GNAQ: variants seen among roughly 807,000 people sequenced by gnomAD.
The protein encoded by GNAQ is G protein subunit alpha q, also known as guanine nucleotide-binding protein G(q) subunit alpha.
GNAQ carries 8 observed loss-of-function variants against 43.9 expected under a neutral mutation model. The ratio of observed to expected loss-of-function variants is 0.18; its 90% CI spans 0.11 to 0.33. The LOEUF is 0.33. GNAQ is among the 10% of genes least tolerant of loss of function. GNAQ has a pLI of 1.00. For missense variants in GNAQ, 158 were observed against 450.8 expected, an observed-to-expected ratio of 0.35 and a Z score of 5.88; for synonymous variants, 155 against 170.7, an observed-to-expected ratio of 0.91 and a Z score of 0.71.
intron 1 of GNAQ, among the ~76,000 whole-genome samples, chr9:77,964,959 T>C (rs1823148371): frequency 6.6e-6 from 1 of 152,130 alleles, no homozygotes; most frequent in African/African-American, 2.4e-5. Context: ...CACTCAAGCC[T>C]ATCCACAAGC....
chr9:77,743,667 CTGA>C (rs1825689116), intron 5 of GNAQ, among the ~76,000 whole-genome samples: 3 of 37,892 alleles, frequency 7.9e-5, no homozygotes, highest in Admixed American at 8.1e-4. Context: ...TTTTTTTAAA[CTGA>C]CTGATAGCTA....
chr9:78,015,176 ATACT>A (rs1272731029), intron 1 of GNAQ, among the ~76,000 whole-genome samples: 1 of 152,238 alleles, frequency 6.6e-6, no homozygotes, highest in Non-Finnish European at 1.5e-5. Context: ...GGATACACAA[ATACT>A]TACCACTGTG....
At chr9:77,845,989 G>A (rs982461134) in intron 2 of GNAQ, among the ~76,000 whole-genome samples, 6 of 152,338 alleles carry the variant, frequency 3.9e-5, no homozygotes, top group South Asian at 2.1e-4. Flanking sequence ...GCCAGGAGGC[G>A]ATGCTCTAGC....
At chr9:78,020,138 C>A (rs181414574) in intron 1 of GNAQ, among the ~76,000 whole-genome samples, 61 of 152,232 alleles carry the variant, frequency 4.0e-4, no homozygotes, top group Admixed American at 8.5e-4. Flanking sequence ...AAGAATATCT[C>A]ATGCTATTGC....
Position 77,922,210 on chromosome 9 carries a change from A to G in GNAQ, c.272T>C (p.Ile91Thr). ...GATCTTGAGTGTGTCCATGGCTCTG[A>G]TCATGGCCTGCATGGCCGTGAAGAT... ...QNIFTAMQAM[I>T]RAMDTLKIPY... The change falls in exon 2 of 7, where the codon ATC (isoleucine) becomes ACC (threonine). Residue 91 changes from isoleucine to threonine, a missense_variant. Physicochemically the swap from Ile to Thr is moderately conservative, Grantham distance 89. Around this residue, in one of 9 missense-constraint regions of GNAQ, gnomAD observed 57 missense variants for 78.2 expected, o/e 0.73. Transcript: ENST00000286548. 6.2e-7 allele frequency: 1 copy of G among 1,613,686 alleles called. No homozygotes were observed. The highest frequency in any genetic ancestry group is 1.7e-4 in the Middle Eastern group (1 of 6,060).
intron 3 of GNAQ, among the ~76,000 whole-genome samples, chr9:77,813,288 T>C (rs1482711077): frequency 6.6e-6 from 1 of 152,178 alleles, no homozygotes; most frequent in Non-Finnish European, 1.5e-5. Flanking sequence ...ATTTAAAGAA[T>C]AATCATTTGA....
intron 1 of GNAQ, among the ~76,000 whole-genome samples, chr9:77,936,827 G>A (rs1232821905): frequency 6.6e-6 from 1 of 152,022 alleles, no homozygotes; most frequent in Non-Finnish European, 1.5e-5. Context: ...GCTCTCCCAA[G>A]TATACTCACC....
chr9:77,952,193 T>G (rs952361579), intron 1 of GNAQ, among the ~76,000 whole-genome samples: 4 of 152,214 alleles, frequency 2.6e-5, no homozygotes, highest in African/African-American at 9.6e-5. Flanking sequence ...GTGGGTTGAT[T>G]TGAAGCAGGA....
Position 77,772,987 on chromosome 9 carries a change from G to A in GNAQ, c.735+21476C>T, listed in dbSNP as rs541774870. On this transcript the variant is annotated intron_variant, in intron 5 of 6. Coordinates refer to ENST00000286548, the MANE Select transcript of GNAQ (RefSeq NM_002072.5). ...AAAGTTTACAAATTTGTGTTGGGCT[G>A]CATTCAAAGCCGTCCTGGGCCACGT... Among the ~76,000 whole-genome samples the A allele has an allele frequency of 7.2e-5, 11 of 152,344 alleles. No homozygotes were observed. The South Asian group carries it at 2.3e-3, about 32-fold the overall frequency.
At chr9:78,026,012 C>T (rs1587467443) in intron 1 of GNAQ, among the ~76,000 whole-genome samples, 1 of 152,092 alleles carries the variant, frequency 6.6e-6, no homozygotes, top group East Asian at 1.9e-4. Flanking sequence ...TTTTAATAGG[C>T]ACTTCTGAAA....
At chr9:77,850,843 C>T (rs559355600) in intron 2 of GNAQ, among the ~76,000 whole-genome samples, 6 of 152,244 alleles carry the variant, frequency 3.9e-5, no homozygotes, top group South Asian at 2.1e-4. Flanking sequence ...TCGTGACCCT[C>T]GCCTGCCTCT....
At chr9:77,760,181 G>A (rs190411219) in intron 5 of GNAQ, among the ~76,000 whole-genome samples, 4 of 146,164 alleles carry the variant, frequency 2.7e-5, no homozygotes, top group Admixed American at 1.4e-4. Context: ...TATCTAGTTC[G>A]AAAACATTTT....
intron 1 of GNAQ, among the ~76,000 whole-genome samples, chr9:78,013,194 T>C (rs1392063025): frequency 6.6e-6 from 1 of 152,216 alleles, no homozygotes; most frequent in African/African-American, 2.4e-5. Context: ...AATACCCATA[T>C]TATATTGAAA....
At chr9:77,815,978 C>T (rs746962179) in intron 2 of GNAQ, among the ~76,000 whole-genome samples, 38 of 152,050 alleles carry the variant, frequency 2.5e-4, no homozygotes, top group Admixed American at 1.2e-3. Flanking sequence ...AACCTTGATG[C>T]TACTTAGAAT....
chr9:78,013,512 G>A (rs1282947127), intron 1 of GNAQ, among the ~76,000 whole-genome samples: 2 of 149,904 alleles, frequency 1.3e-5, no homozygotes, highest in Non-Finnish European at 3.0e-5. Context: ...CCCTTCCTGC[G>A]TCCATGTGTT....
chr9:77,796,747 C>G (rs563782819), intron 4 of GNAQ, among the ~76,000 whole-genome samples: 1 of 152,246 alleles, frequency 6.6e-6, no homozygotes, highest in African/African-American at 2.4e-5. Context: ...TTTCTTGCTA[C>G]TGAAAAATTT....
At position 77,815,691 on chromosome 9, in the gene GNAQ, C is replaced by T. The variant is rs748011987; in HGVS notation, c.401G>A (p.Ser134Asn). 3 of 1,595,728 alleles carry T rather than the reference C, an allele frequency of 1.9e-6. No homozygotes were observed. The highest frequency in any genetic ancestry group is 1.7e-6 in the Non-Finnish European group (2 of 1,163,490). Residue 134 changes from serine (S) to asparagine (N), a missense_variant, in exon 3 of 7, where the codon AGT becomes AAT. By Grantham distance (46) the Ser-to-Asn change is conservative. Coordinates refer to ENST00000286548, the MANE Select transcript of GNAQ (RefSeq NM_002072.5). ...CTGGATTCCAGGATCATTCCATAAA[C>T]TCTTTATTGCATCTACATATGGATT... ...FENPYVDAIKSLWNDPGIQEC... is the reference protein window; with the variant it reads ...FENPYVDAIKNLWNDPGIQEC...
chr9:77,824,554 TCCA>T (rs1827165433), intron 2 of GNAQ, among the ~76,000 whole-genome samples: 1 of 152,206 alleles, frequency 6.6e-6, no homozygotes, highest in South Asian at 2.1e-4. Flanking sequence ...ATATTTCTGG[TCCA>T]CTAGTTTATT....
chr9:77,774,848 G>A (rs1400900458), intron 5 of GNAQ, among the ~76,000 whole-genome samples: 1 of 151,876 alleles, frequency 6.6e-6, no homozygotes, highest in African/African-American at 2.4e-5. Context: ...CATGTAAAAT[G>A]GATTGTTCAT....
Sources: gnomAD v4.1 joint callset for allele counts (sites outside exome capture counted in the v4.1 genomes callset) on GRCh38, gnomAD v4.1.1 for gene constraint, gnomAD v4.1.1 regional missense constraint, MANE v1.5 for transcripts, NCBI Gene and HGNC (gene_info 2026-07-23, HGNC 2026-07-21) for gene names.